The following SEC23IP variants were observed in gnomAD, a reference collection of about 807,000 sequenced individuals.
The protein encoded by SEC23IP is SEC23 interacting protein.
In SEC23IP, 70 loss-of-function variants were observed where a neutral mutation model predicts 113.4. That is an observed-to-expected ratio of 0.62 (90% CI 0.51 to 0.75). SEC23IP has a LOEUF of 0.75. Ranked by LOEUF, SEC23IP falls within the 30% of genes least tolerant of loss-of-function variation. The pLI is 0.00. For synonymous variants in SEC23IP, 398 were observed against 421.0 expected (o/e 0.95, Z 0.67); for missense variants, 1,160 against 1,204.9 (o/e 0.96, Z 0.55).
chr10:119,898,655 A>G lies in SEC23IP; in HGVS notation c.392A>G (p.Asn131Ser), dbSNP rs1295192616. Residue 131 changes from asparagine to serine, a missense_variant, in exon 2 of 19, where the codon AAT becomes AGT. By Grantham distance (46) the Asn-to-Ser change is conservative. Coordinates refer to ENST00000369075, the MANE Select transcript of SEC23IP (RefSeq NM_007190.4). ...PFTTGSQDVS[N>S]AFSPSISKAQ... ...ACAACTGGATCCCAAGATGTCTCGA[A>G]TGCATTTTCACCATCCATTTCGAAG... 9.9e-6 allele frequency: 16 copies of G among 1,614,094 alleles called. No homozygotes were observed. Among genetic ancestry groups the G allele is most frequent in the African/African-American group, 2.7e-5 (2 of 74,938 alleles).
rs1731737495 is a variant in SEC23IP at position 119,941,917 on chromosome 10, A to G, written c.*1352A>G. The G allele has an allele frequency of 6.6e-6, 1 of 152,328 alleles. No homozygotes were observed. The highest frequency in any genetic ancestry group is 1.5e-5 in the Non-Finnish European group (1 of 68,032). 9.4% of individuals were successfully genotyped at this position (152,328 alleles called of 1,614,324 possible). ...ACTCCAGACAACATAGATTTCAGCC[A>G]CCTCATTCTACAGCTGAGGCCAGGA... On this transcript the variant is annotated 3_prime_UTR_variant, in exon 19 of 19. Transcript: ENST00000369075.
intron 7 of SEC23IP, among the ~76,000 whole-genome samples, chr10:119,915,528 A>G (rs1855021596): frequency 6.6e-6 from 1 of 152,206 alleles, no homozygotes. Context: ...TATCCCAAGC[A>G]TCTATTCCTT....
At chr10:119,930,239 T>C in intron 14 of SEC23IP, 90 bp from the exon 15 acceptor site, 2 of 609,792 alleles carry the variant, frequency 3.3e-6, no homozygotes, top group Non-Finnish European at 5.7e-6. Context: ...TGATTTGCCA[T>C]GTATCCATTT....
At chr10:119,921,048 T>C (rs1400446709) in intron 12 of SEC23IP, 64 bp downstream of exon 12, 7 of 1,186,670 alleles carry the variant, frequency 5.9e-6, no homozygotes, top group South Asian at 1.3e-5. Context: ...GTTTATATTA[T>C]AGAAAATTTT....
In SEC23IP at chr10:119,920,994, A is replaced by G; in HGVS notation, c.2121+10A>G. ...TAAAGCAGCCAAACTGGTAAAGTTC[A>G]CCTCTGACTCAAGAAAAACTAAAAC... On this transcript the variant is annotated intron_variant, in intron 12 of 18. Transcript: ENST00000369075. 1 of 1,593,010 alleles carries G rather than the reference A, an allele frequency of 6.3e-7. No homozygotes were observed.
chr10:119,942,959 T>C lies in SEC23IP; in HGVS notation c.*2394T>C, dbSNP rs1417304191. The C allele has an allele frequency of 6.6e-6, 1 of 152,238 alleles. No homozygotes were observed. The highest frequency in any genetic ancestry group is 2.4e-5 in the African/African-American group (1 of 41,462). 9.4% of individuals were successfully genotyped at this position (152,238 alleles called of 1,614,324 possible). A position where few individuals can be genotyped will look rare whatever the true frequency, so the allele number is the denominator to read the frequency against. On this transcript the variant is annotated 3_prime_UTR_variant, in exon 19 of 19. Transcript: ENST00000369075. ...GTACATGAAAAGGAGGAGATGCCGC[T>C]ATCTTGGCAGGGATGATCATGTATT...
At position 119,940,692 on chromosome 10, in the gene SEC23IP, T is replaced by C. The variant is rs1411711218; in HGVS notation, c.*127T>C. 1.3e-5 allele frequency: 2 copies of C among 152,118 alleles called. No homozygotes were observed. Among genetic ancestry groups the C allele is most frequent in the East Asian group, 3.9e-4 (2 of 5,194 alleles). The allele number at this position is 152,118 out of a possible 1,614,324, so 9.4% of individuals were successfully genotyped here. On this transcript the variant is annotated 3_prime_UTR_variant, in exon 19 of 19. Transcript: ENST00000369075. Reference sequence around the variant, plus strand: ...TGATGGATGACAGAAGAGTGATTCATTAACAATTGCTCAGCCACAATTCTC... The same window carrying C: ...TGATGGATGACAGAAGAGTGATTCACTAACAATTGCTCAGCCACAATTCTC...
At position 119,903,979 on chromosome 10, in the gene SEC23IP, C is replaced by T. The variant is rs559662366; in HGVS notation, c.908-105C>T. ...AAGTGATCCACCTCTCTCGGCCTCC[C>T]AGGGTGCTGGGATTACAGGCATGAG... On this transcript the variant is annotated intron_variant, in intron 3 of 18. Coordinates refer to ENST00000369075, the MANE Select transcript of SEC23IP (RefSeq NM_007190.4). 28 of 1,237,198 alleles carry T rather than the reference C, an allele frequency of 2.3e-5. 1 individual carries two copies. The Middle Eastern group carries it at 1.4e-3, about 62-fold the overall frequency. The allele number at this position is 1,237,198 out of a possible 1,614,324, so 76.6% of individuals were successfully genotyped here.
At chr10:119,919,964 G>T (rs899142824) in intron 11 of SEC23IP, among the ~76,000 whole-genome samples, 2 of 152,096 alleles carry the variant, frequency 1.3e-5, no homozygotes, top group African/African-American at 4.8e-5. Context: ...AATAGGCAAA[G>T]AATATAAACA....
chr10:119,918,016 A>G lies in SEC23IP; in HGVS notation c.1725A>G (p.Gly575=), dbSNP rs1010193778. The change falls in exon 9 of 19, where the codon GGA becomes GGG. Residue 575 remains glycine, a synonymous_variant. Coordinates refer to ENST00000369075, the MANE Select transcript of SEC23IP (RefSeq NM_007190.4). ...LFMSRNPDFK[G]GVSVAGHSLG... ...TGAGTCGGAACCCAGACTTCAAAGG[A>G]GGTGTCTCTGTTGCTGGTCACAGTT... 6.8e-6 allele frequency: 11 copies of G among 1,613,910 alleles called. No individual in the cohort carries two copies. The East Asian group carries it at 2.2e-4, about 33-fold the overall frequency.
At chr10:119,894,510 C>T (rs148320327) in intron 1 of SEC23IP, among the ~76,000 whole-genome samples, 110 of 152,298 alleles carry the variant, frequency 7.2e-4, no homozygotes, top group African/African-American at 2.6e-3. Flanking sequence ...CTTTTATTCA[C>T]GATTATATTC....
chr10:119,916,546 G>A (rs559983058), intron 8 of SEC23IP, among the ~76,000 whole-genome samples: 3 of 152,226 alleles, frequency 2.0e-5, no homozygotes, highest in Non-Finnish European at 2.9e-5. Context: ...TACAAACAGC[G>A]TTTTGTCTAT....
intron 1 of SEC23IP, 141 bp downstream of exon 1, chr10:119,893,086 T>A: frequency 1.1e-6 from 1 of 892,454 alleles, no homozygotes; most frequent in Non-Finnish European, 1.7e-6. Flanking sequence ...CAGGTTTGAG[T>A]GGGTCGGGGG....
At chr10:119,937,363 C>T (rs1015818674) in intron 18 of SEC23IP, among the ~76,000 whole-genome samples, 9 of 151,872 alleles carry the variant, frequency 5.9e-5, no homozygotes, top group Non-Finnish European at 1.3e-4. Context: ...TGATGGCTCA[C>T]GCCTGTAATC....
At chr10:119,931,817 G>C (rs1855614126) in intron 15 of SEC23IP, among the ~76,000 whole-genome samples, 2 of 151,948 alleles carry the variant, frequency 1.3e-5, no homozygotes, top group Non-Finnish European at 2.9e-5. Context: ...CTCCCAAAGT[G>C]CTGGGATTAC....
At chr10:119,938,402 C>T (rs1030007711) in intron 18 of SEC23IP, among the ~76,000 whole-genome samples, 1 of 152,030 alleles carries the variant, frequency 6.6e-6, no homozygotes, top group Non-Finnish European at 1.5e-5. Context: ...GGCCTCTTTG[C>T]CATCCCTTCT....
intron 7 of SEC23IP, among the ~76,000 whole-genome samples, chr10:119,915,296 G>A (rs1373868746): frequency 1.3e-5 from 2 of 152,126 alleles, no homozygotes; most frequent in Non-Finnish European, 2.9e-5. Context: ...AAACCTTTGG[G>A]GTATAGGCGC....
intron 12 of SEC23IP, among the ~76,000 whole-genome samples, chr10:119,923,804 C>T (rs1855328856): frequency 6.6e-6 from 1 of 152,168 alleles, no homozygotes. Flanking sequence ...CTGCCTTGCC[C>T]TCCCAAAGTG....
intron 1 of SEC23IP, among the ~76,000 whole-genome samples, chr10:119,894,734 T>G (rs1854211150): frequency 6.6e-6 from 1 of 152,194 alleles, no homozygotes; most frequent in African/African-American, 2.4e-5. Context: ...GGTTTTCTAA[T>G]TATCCTCTGC....
Sources: gnomAD v4.1 joint callset for allele counts (sites outside exome capture counted in the v4.1 genomes callset) on GRCh38, gnomAD v4.1.1 for gene constraint, MANE v1.5 for transcripts, NCBI Gene and HGNC (gene_info 2026-07-23, HGNC 2026-07-21) for gene names.